FBN3: variants seen among roughly 807,000 people sequenced by gnomAD.
FBN3 encodes the protein fibrillin-3.
In FBN3, 234 loss-of-function variants were observed where a neutral mutation model predicts 330.1. The ratio of observed to expected loss-of-function variants is 0.71; its 90% confidence interval spans 0.64 to 0.79. FBN3 has a LOEUF of 0.79. Ranked by LOEUF, FBN3 falls within the 30% of genes least tolerant of loss-of-function variation. The probability of loss-of-function intolerance (pLI) is 0.00; values close to 1 mark genes in which losing one functional copy is unlikely to be tolerated. For synonymous variants in FBN3, 1,458 were observed against 1,517.3 expected, an observed-to-expected ratio of 0.96 and a Z score of 0.91; for missense variants, 3,606 against 3,886.9, an observed-to-expected ratio of 0.93 and a Z score of 1.92.
At position 8,136,414 on chromosome 19, in the gene FBN3, G is replaced by T; in HGVS notation, c.1319C>A (p.Thr440Asn). Residue 440 changes from threonine to asparagine, a missense_variant, in exon 11 of 64, where the codon ACC (threonine) becomes AAC (asparagine). By Grantham distance (65) the Thr-to-Asn change is moderately conservative. Coordinates refer to ENST00000600128, the MANE Select transcript of FBN3 (RefSeq NM_032447.5). The stretch of plus-strand genomic sequence containing the variant: ...AATGCACTCGCCGCGCACGTCCTGG[G>T]TGTAGCCCACGTTACACTCGCAGCG... ...SYRCECNVGY[T>N]QDVRGECIDV... is the part of the protein sequence containing the mutation. The T allele has an allele frequency of 1.2e-6, 2 of 1,614,150 alleles. No homozygotes were observed. Among genetic ancestry groups the T allele is most frequent in the Non-Finnish European group, 1.7e-6 (2 of 1,180,006 alleles).
intron 10 of FBN3, among the ~76,000 whole-genome samples, chr19:8,137,291 A>T (rs1655738218): frequency 7.1e-6 from 1 of 141,450 alleles, no homozygotes; most frequent in Non-Finnish European, 1.5e-5. Flanking sequence ...GGATCCCTCC[A>T]ACCTGGGCCC....
Position 8,095,950 on chromosome 19 carries a change from C to A in FBN3, c.5656+14G>T, listed in dbSNP as rs976685848. On this transcript the variant is annotated intron_variant, in intron 45 of 63. Transcript: ENST00000600128. ...ACCCACTTTGTGGCCAGCCTGCCAC[C>A]TGAGCCGACTCACCCACACAATCCC... 25 of 1,572,542 alleles carry A rather than the reference C, an allele frequency of 1.6e-5. No individual in the cohort carries two copies. In the East Asian group the frequency reaches 5.6e-4, roughly 35 times the overall value.
At position 8,112,038 on chromosome 19, in the gene FBN3, G is replaced by T. The variant is rs1339354589; in HGVS notation, c.3900C>A (p.Ile1300=). ...NCDSHASCLN[I]PGSFSCRCLP... ...GGCACCTACAGCTGAAACTCCCCGG[G>T]ATGTTGAGACAGGAGGCGTGACTGT... The change falls in exon 31 of 64, where the codon ATC becomes ATA. Residue 1300 remains isoleucine (I), a synonymous_variant. Transcript: ENST00000600128. The T allele has an allele frequency of 1.9e-6, 3 of 1,612,906 alleles. No individual in the cohort carries two copies. The highest frequency in any genetic ancestry group is 1.7e-6 in the Non-Finnish European group (2 of 1,179,506).
rs368419315 is a variant in FBN3, at chr19:8,073,142, G to C, written c.7858C>G (p.Pro2620Ala). The C allele has an allele frequency of 6.2e-7, 1 of 1,613,826 alleles. No individual in the cohort carries two copies. Among genetic ancestry groups the C allele is most frequent in the East Asian group, 2.2e-5 (1 of 44,868 alleles). The change falls in exon 62 of 64, where the codon CCC becomes GCC. Residue 2620 changes from proline to alanine, a missense_variant. Pro to Ala is a conservative substitution (Grantham distance 27, BLOSUM62 -1). Coordinates refer to ENST00000600128, the MANE Select transcript of FBN3 (RefSeq NM_032447.5). ...GTGTTGGCACAGCTGTAGCTACAGG[G>C]GCCACGCCGTCCGGCGCACTCATCC... ...EVDECAGRRG[P>A]CSYSCANTPG...
In FBN3 at chr19:8,132,915, TTCC is replaced by T. The variant is rs1434284575; in HGVS notation, c.1714+66_1714+68del. ...CCATCCCCGTCCGGTCCCTCTCCTC[TTCC>T]TCGCCGTCCCTCTGCTTCCCCATCT... On this transcript the variant is annotated intron_variant, in intron 14 of 63. Coordinates refer to ENST00000600128, the MANE Select transcript of FBN3 (RefSeq NM_032447.5). 6 of 1,470,620 alleles carry T rather than the reference TTCC, an allele frequency of 4.1e-6. No individual in the cohort carries two copies. In the African/African-American group the frequency reaches 7.0e-5, roughly 17 times the overall value. The allele number at this position is 1,470,620 out of a possible 1,614,324, so 91.1% of individuals were successfully genotyped here.
In FBN3 at chr19:8,094,555, C is replaced by T. The variant is rs147423270; in HGVS notation, c.5796G>A (p.Glu1932=). The change falls in exon 47 of 64, where the codon GAG becomes GAA. Residue 1932 remains glutamate (E), a synonymous_variant. Coordinates refer to ENST00000600128, the MANE Select transcript of FBN3 (RefSeq NM_032447.5). ...GGCAGGTTCCTGCAAGGCTGAGGCA[C>T]TCATTGGTGTCTGTGAAAAGGAGGA... The part of the protein sequence containing the change: ...ADGKNCVDTN[E]CLSLAGTCLP... The T allele has an allele frequency of 5.1e-4, 828 of 1,613,330 alleles. 2 individuals carry two copies. The highest frequency in any genetic ancestry group is 6.2e-4 in the Non-Finnish European group (734 of 1,179,600).
intron 56 of FBN3, 110 bp downstream of exon 56, chr19:8,085,252 CA>C: frequency 1.2e-6 from 1 of 867,488 alleles, no homozygotes; most frequent in African/African-American, 1.8e-5. Flanking sequence ...CACACACACA[CA>C]CACAGTGTGG....
At chr19:8,146,369 CCT>C (rs895674027) in intron 3 of FBN3, 144 bp from the exon 4 acceptor site, 59 of 703,660 alleles carry the variant, frequency 8.4e-5, no homozygotes, top group Non-Finnish European at 1.3e-4. Context: ...ACACCCCACC[CCT>C]GTTTTCATGG....
intron 6 of FBN3, among the ~76,000 whole-genome samples, chr19:8,143,833 A>G (rs2083473249): frequency 8.9e-6 from 1 of 112,526 alleles, no homozygotes; most frequent in South Asian, 2.9e-4. Flanking sequence ...TTTTTTTTTA[A>G]GAGACAGAGG....
At chr19:8,116,215 C>A (rs2082701720) in intron 29 of FBN3, among the ~76,000 whole-genome samples, 1 of 152,180 alleles carries the variant, frequency 6.6e-6, no homozygotes, top group Admixed American at 6.5e-5. Context: ...TACACATCTG[C>A]TCCCCAGGCC....
At chr19:8,101,271 T>A (rs1346756782) in intron 40 of FBN3, among the ~76,000 whole-genome samples, 1 of 152,154 alleles carries the variant, frequency 6.6e-6, no homozygotes, top group African/African-American at 2.4e-5. Context: ...ATTACAGGCG[T>A]GAGCCACGAC....
chr19:8,122,760 G>A (rs2144906269), intron 24 of FBN3, among the ~76,000 whole-genome samples: 1 of 151,252 alleles, frequency 6.6e-6, no homozygotes, highest in East Asian at 2.0e-4. Context: ...TGCATCCCGG[G>A]TTCACGCCAT....
chr19:8,123,723 T>C lies in FBN3; in HGVS notation c.2956+61A>G. On this transcript the variant is annotated intron_variant, in intron 23 of 63. Transcript: ENST00000600128. ...CCAAACACACTTCCCATCTCCAGGCTTTTGCCTATGCCGTGCCCCTCCCCA... is the reference window on the plus strand; with the variant it reads ...CCAAACACACTTCCCATCTCCAGGCCTTTGCCTATGCCGTGCCCCTCCCCA... The C allele has an allele frequency of 2.5e-6, 4 of 1,598,430 alleles. No homozygotes were observed. In the East Asian group the frequency reaches 6.7e-5, roughly 27 times the overall value.
At chr19:8,133,728 A>C (rs150460081) in intron 13 of FBN3, among the ~76,000 whole-genome samples, 23,742 of 151,900 alleles carry the variant, frequency 0.16, 2,939 homozygotes, top group East Asian at 0.41. Context: ...CTGGGATTAC[A>C]GGCGTGAGCC....
chr19:8,119,445 G>A (rs950529565), intron 25 of FBN3, among the ~76,000 whole-genome samples: 1 of 152,106 alleles, frequency 6.6e-6, no homozygotes, highest in Admixed American at 6.6e-5. Context: ...CCACCCCAGG[G>A]CCTTTGCACA....
In FBN3 at chr19:8,109,605, T is replaced by G. The variant is rs746065012; in HGVS notation, c.4456+26A>C. 9 of 1,579,890 alleles carry G rather than the reference T, an allele frequency of 5.7e-6. No individual in the cohort carries two copies. In the South Asian group the frequency reaches 1.1e-4, roughly 18 times the overall value. On this transcript the variant is annotated intron_variant, in intron 35 of 63. Transcript: ENST00000600128. This position sits in a 1 kb window ranked among gnomAD's most constrained non-coding sequence, Gnocchi z 5.2. ...CCCACCTCTGCTGACCCCAGAACCC[T>G]GATCTGGAGTTGAGCATGGACTCAC... is the stretch of plus-strand genomic sequence containing the variant.
rs2082431781 is a variant in FBN3 at position 8,106,090 on chromosome 19, A to G, written c.4813+18T>C. ...GAGCGGAAGAGCCTGACCCACCCCAAAGAGAATCCATGCTCACCCTCACAG... is the reference window on the plus strand; with the variant it reads ...GAGCGGAAGAGCCTGACCCACCCCAGAGAGAATCCATGCTCACCCTCACAG... On this transcript the variant is annotated intron_variant, in intron 38 of 63. Coordinates refer to ENST00000600128, the MANE Select transcript of FBN3 (RefSeq NM_032447.5). The G allele has an allele frequency of 5.0e-6, 8 of 1,613,720 alleles. No individual in the cohort carries two copies. The highest frequency in any genetic ancestry group is 6.8e-6 in the Non-Finnish European group (8 of 1,179,848).
chr19:8,145,126 C>G (rs192961681), intron 5 of FBN3, among the ~76,000 whole-genome samples, 154 bp from the exon 6 acceptor site: 200 of 152,170 alleles, frequency 1.3e-3, no homozygotes, highest in African/African-American at 4.6e-3. Context: ...GTAATCCGAG[C>G]GCTTTGGGAG....
In FBN3 at chr19:8,065,774, G is replaced by A; in HGVS notation, c.*145C>T. On this transcript the variant is annotated 3_prime_UTR_variant, in exon 64 of 64. Transcript: ENST00000600128. Reference sequence around the variant, plus strand: ...GCACAGAGGCCCAGGCAGAGGCCGGGCTTGCCTGAGGTTGTCGTGTAGCAT... The same window carrying A: ...GCACAGAGGCCCAGGCAGAGGCCGGACTTGCCTGAGGTTGTCGTGTAGCAT... 1 of 729,680 alleles carries A rather than the reference G, an allele frequency of 1.4e-6. No homozygotes were observed. Among genetic ancestry groups the A allele is most frequent in the South Asian group, 2.1e-5 (1 of 46,940 alleles). 45.2% of individuals were successfully genotyped at this position (729,680 alleles called of 1,614,324 possible). A position where few individuals can be genotyped will look rare whatever the true frequency, so the allele number is the denominator to read the frequency against.
Sources: allele counts gnomAD v4.1 joint callset (sites outside exome capture counted in the v4.1 genomes callset), GRCh38; gene constraint gnomAD v4.1.1; non-coding constraint Gnocchi (gnomAD v3.1); transcripts MANE v1.5; gene names NCBI Gene and HGNC (gene_info 2026-07-23, HGNC 2026-07-21).